The following TADA2B variants were observed in gnomAD, a reference collection of about 807,000 sequenced individuals.
TADA2B encodes the protein transcriptional adaptor 2B.
Under a neutral mutation model 34.5 loss-of-function variants are expected in TADA2B, and 13 were observed. The ratio of observed to expected loss-of-function variants is 0.38; its 90% CI spans 0.25 to 0.60. The LOEUF is 0.60. Ranked by LOEUF, TADA2B falls within the 20% of genes least tolerant of loss-of-function variation. The pLI, the probability that TADA2B is intolerant of heterozygous loss-of-function variation, is 0.65. For synonymous variants in TADA2B, 240 were observed against 243.4 expected (o/e 0.99, Z 0.13); for missense variants, 442 against 575.0 (o/e 0.77, Z 2.37).
chr4:7,046,224 G>C (rs762164339), intron 1 of TADA2B: 1 of 152,210 alleles, frequency 6.6e-6, no homozygotes, highest in East Asian at 1.9e-4. Context: ...GCAGAACCTC[G>C]TTGCGTTATC....
At position 7,054,172 on chromosome 4, in the gene TADA2B, C is replaced by T. The variant is rs1723834580; in HGVS notation, c.381C>T (p.Thr127=). ...GNLGKACIPD[T]IPNRVTDHTC... ...TGGGGAAGGCCTGCATCCCCGACAC[C>T]ATCCCCAACCGCGTGACAGACCACA... Residue 127 remains threonine, a synonymous_variant, in exon 2 of 2, where the codon ACC becomes ACT. Coordinates refer to ENST00000310074, the MANE Select transcript of TADA2B (RefSeq NM_152293.3). The T allele has an allele frequency of 6.2e-7, 1 of 1,605,544 alleles. No individual in the cohort carries two copies. Among genetic ancestry groups the T allele is most frequent in the Non-Finnish European group, 8.5e-7 (1 of 1,176,266 alleles).
In TADA2B at chr4:7,054,503, AAGG is replaced by A; in HGVS notation, c.715_717del (p.Glu239del). 4 of 1,613,722 alleles carry A rather than the reference AAGG, an allele frequency of 2.5e-6. No homozygotes were observed. Among genetic ancestry groups the A allele is most frequent in the Non-Finnish European group, 3.4e-6 (4 of 1,179,900 alleles). On this transcript the variant is annotated inframe_deletion, in exon 2 of 2. Transcript: ENST00000310074. ...GCCAGCCTTCCTGGGGAAGGACAAG[AAGG>A]AGAAGGAAAAGGCGCTGAAGCGCAA...
At chr4:7,049,520 G>T (rs1723716508) in intron 1 of TADA2B, among the ~76,000 whole-genome samples, 1 of 152,254 alleles carries the variant, frequency 6.6e-6, no homozygotes, top group African/African-American at 2.4e-5. Flanking sequence ...TCTGAGTTGA[G>T]AGAGACCTAG....
Position 7,055,534 on chromosome 4 carries a change from C to T in TADA2B, c.*480C>T, listed in dbSNP as rs924663364. 3.8e-5 allele frequency: 6 copies of T among 156,634 alleles called. No homozygotes were observed. Among genetic ancestry groups the T allele is most frequent in the Non-Finnish European group, 7.1e-5 (5 of 70,828 alleles). 9.7% of individuals were successfully genotyped at this position (156,634 alleles called of 1,614,324 possible). A position where few individuals can be genotyped will look rare whatever the true frequency, so the allele number is the denominator to read the frequency against. The stretch of plus-strand genomic sequence containing the variant: ...GCTGACCCCAGCGCAGCCCCGGGCA[C>T]GCGGCACTTTACATGGGGGCAGCTT... On this transcript the variant is annotated 3_prime_UTR_variant, in exon 2 of 2. Transcript: ENST00000310074.
intron 1 of TADA2B, among the ~76,000 whole-genome samples, chr4:7,045,302 C>G (rs1723598589): frequency 6.6e-6 from 1 of 152,214 alleles, no homozygotes; most frequent in South Asian, 2.1e-4. Flanking sequence ...ACATGCAGAA[C>G]AAACCACTTC....
At chr4:7,049,821 G>A (rs1299239963) in intron 1 of TADA2B, among the ~76,000 whole-genome samples, 1 of 152,254 alleles carries the variant, frequency 6.6e-6, no homozygotes, top group Non-Finnish European at 1.5e-5. Context: ...CTGAGTTGGT[G>A]TGCCAGCCCC....
intron 1 of TADA2B, among the ~76,000 whole-genome samples, chr4:7,047,732 G>A (rs1025401880): frequency 1.3e-5 from 2 of 152,222 alleles, no homozygotes; most frequent in African/African-American, 4.8e-5. Flanking sequence ...TGTGGAGGAA[G>A]GAAGGGTTTT....
At position 7,043,788 on chromosome 4, in the gene TADA2B, G is replaced by A; in HGVS notation, c.209G>A (p.Trp70Ter). 6.4e-7 allele frequency: 1 copy of A among 1,553,316 alleles called. No homozygotes were observed. Among genetic ancestry groups the A allele is most frequent in the African/African-American group, 1.4e-5 (1 of 72,358 alleles). Residue 70 changes from tryptophan (W) to a stop codon, truncating the protein, a stop_gained, in exon 1 of 2, where the codon TGG becomes TAG. Coordinates refer to ENST00000310074, the MANE Select transcript of TADA2B (RefSeq NM_152293.3). LOFTEE classifies it high-confidence loss of function. ...TLWGPEAEGG[W>*]TSREEQLLLD... ...TGGGGGCCCGAGGCCGAGGGCGGCTGGACCAGTCGCGAGGAGCAGCTGCTG... is the reference window on the plus strand; with the variant it reads ...TGGGGGCCCGAGGCCGAGGGCGGCTAGACCAGTCGCGAGGAGCAGCTGCTG...
intron 1 of TADA2B, among the ~76,000 whole-genome samples, chr4:7,049,865 C>T (rs752703526): frequency 2.6e-5 from 4 of 152,358 alleles, no homozygotes; most frequent in Non-Finnish European, 5.9e-5. Context: ...TACCTTTGCC[C>T]GGCCGCTCTG....
At chr4:7,049,410 G>T (rs1431385102) in intron 1 of TADA2B, among the ~76,000 whole-genome samples, 1 of 152,238 alleles carries the variant, frequency 6.6e-6, no homozygotes, top group East Asian at 1.9e-4. Flanking sequence ...TTTCCACAGT[G>T]AGGAATGCCA....
In TADA2B at chr4:7,055,087, C is replaced by G. The variant is rs998046245; in HGVS notation, c.*33C>G. 1 of 1,562,632 alleles carries G rather than the reference C, an allele frequency of 6.4e-7. No homozygotes were observed. The highest frequency in any genetic ancestry group is 8.7e-7 in the Non-Finnish European group (1 of 1,155,718). On this transcript the variant is annotated 3_prime_UTR_variant, in exon 2 of 2. Coordinates refer to ENST00000310074, the MANE Select transcript of TADA2B (RefSeq NM_152293.3). ...ACGCTTTGAAAGCCAGGGTGATGCT[C>G]AGACAGTGTGCCAGCCAAAATGACT...
At chr4:7,045,331 C>G (rs1241492690) in intron 1 of TADA2B, among the ~76,000 whole-genome samples, 1 of 152,202 alleles carries the variant, frequency 6.6e-6, no homozygotes, top group East Asian at 1.9e-4. Context: ...GTAGTCCCGG[C>G]TGATGTTTAC....
intron 1 of TADA2B, among the ~76,000 whole-genome samples, chr4:7,044,706 C>T (rs1165774135): frequency 2.0e-5 from 3 of 152,160 alleles, no homozygotes; most frequent in Admixed American, 1.3e-4. Context: ...AGACATGTGG[C>T]CATCCCCGGG....
At chr4:7,051,030 C>G (rs1009513547) in intron 1 of TADA2B, among the ~76,000 whole-genome samples, 1 of 152,142 alleles carries the variant, frequency 6.6e-6, no homozygotes, top group African/African-American at 2.4e-5. Flanking sequence ...CCGTGGGAAG[C>G]GCACGGGGTG....
At position 7,057,171 on chromosome 4, in the gene TADA2B, T is replaced by C. The variant is rs1723911062; in HGVS notation, c.*2117T>C. 1 of 152,278 alleles carries C rather than the reference T, an allele frequency of 6.6e-6. No individual in the cohort carries two copies. Among genetic ancestry groups the C allele is most frequent in the Non-Finnish European group, 1.5e-5 (1 of 68,052 alleles). The allele number at this position is 152,278 out of a possible 1,614,324, so 9.4% of individuals were successfully genotyped here. A position where few individuals can be genotyped will look rare whatever the true frequency, so the allele number is the denominator to read the frequency against. ...TAAGCTTGAAGAAGCAGAAGATCCC[T>C]GTTAATGTGTATGGCCCAGGCCAAG... On this transcript the variant is annotated 3_prime_UTR_variant, in exon 2 of 2. Transcript: ENST00000310074.
rs1395928338 is a variant in TADA2B, at chr4:7,043,663, C to T, written c.84C>T (p.Asp28=). 43 of 1,579,028 alleles carry T rather than the reference C, an allele frequency of 2.7e-5. No homozygotes were observed. Among genetic ancestry groups the T allele is most frequent in the Non-Finnish European group, 3.7e-5 (43 of 1,165,088 alleles). ...PLRFRCTECQ[D]IELCPECFSA... ...GCTTCCGCTGCACCGAGTGCCAGGA[C>T]ATCGAGCTGTGCCCCGAGTGCTTCT... The change falls in exon 1 of 2, where the codon GAC becomes GAT. Residue 28 remains aspartate (D), a synonymous_variant. Coordinates refer to ENST00000310074, the MANE Select transcript of TADA2B (RefSeq NM_152293.3).
intron 1 of TADA2B, chr4:7,053,333 C>G (rs929188868): frequency 1.3e-5 from 2 of 152,388 alleles, no homozygotes; most frequent in Non-Finnish European, 2.9e-5. Context: ...CAGCCAGTGG[C>G]AGACTCCCAG....
chr4:7,052,012 T>C (rs369658992), intron 1 of TADA2B, among the ~76,000 whole-genome samples: 6 of 152,344 alleles, frequency 3.9e-5, no homozygotes, highest in African/African-American at 1.2e-4. Flanking sequence ...TGACTCACCT[T>C]GTGACCTTGG....
In TADA2B at chr4:7,056,767, C is replaced by T. The variant is rs1373203486; in HGVS notation, c.*1713C>T. 1 of 152,206 alleles carries T rather than the reference C, an allele frequency of 6.6e-6. No homozygotes were observed. Among genetic ancestry groups the T allele is most frequent in the Non-Finnish European group, 1.5e-5 (1 of 68,038 alleles). The allele number at this position is 152,206 out of a possible 1,614,324, so 9.4% of individuals were successfully genotyped here. A position where few individuals can be genotyped will look rare whatever the true frequency, so the allele number is the denominator to read the frequency against. ...ATCATGAGGGCCACCTCCACATTGTCCCCTGCAGAATAAATGCGGATGACA... is the reference window on the plus strand; with the variant it reads ...ATCATGAGGGCCACCTCCACATTGTTCCCTGCAGAATAAATGCGGATGACA... On this transcript the variant is annotated 3_prime_UTR_variant, in exon 2 of 2. Coordinates refer to ENST00000310074, the MANE Select transcript of TADA2B (RefSeq NM_152293.3).
Sources: allele counts gnomAD v4.1 joint callset (sites outside exome capture counted in the v4.1 genomes callset), GRCh38; gene constraint gnomAD v4.1.1; transcripts MANE v1.5; gene names NCBI Gene and HGNC (gene_info 2026-07-23, HGNC 2026-07-21).